The following SCN9A variants were observed in gnomAD, a reference collection of about 807,000 sequenced individuals.
SCN9A encodes the protein sodium voltage-gated channel alpha subunit 9.
Under a neutral mutation model 187.0 loss-of-function variants are expected in SCN9A, and 131 were observed. The observed-to-expected ratio is 0.70, with a 90% CI of 0.61 to 0.81. The LOEUF (loss-of-function observed/expected upper bound fraction) is 0.81. Ranked by LOEUF, SCN9A falls within the 30% of genes least tolerant of loss-of-function variation. SCN9A has a pLI of 0.00. For synonymous variants in SCN9A, 809 were observed against 808.6 expected (o/e 1.00, Z -0.01); for missense variants, 2,252 against 2,396.6 (o/e 0.94, Z 1.26).
At position 166,306,512 on chromosome 2, in the gene SCN9A, G is replaced by A. The variant is rs754275081; in HGVS notation, c.465C>T (p.Val155=). The change falls in exon 4 of 27, where the codon GTC becomes GTT. Residue 155 remains valine (V), a splice_region_variant and synonymous_variant. Coordinates refer to ENST00000642356, the MANE Select transcript of SCN9A (RefSeq NM_001365536.1). Reference sequence around the variant, plus strand: ...AAAATGTACTTATACCCACTTACTCGACATTTTTGGTCCAGTCCGGTGGGT... The same window carrying A: ...AAAATGTACTTATACCCACTTACTCAACATTTTTGGTCCAGTCCGGTGGGT... ...MNNPPDWTKN[V]EYTFTGIYTF... 3.9e-6 allele frequency: 6 copies of A among 1,522,730 alleles called. No homozygotes were observed. In the South Asian group the frequency reaches 4.7e-5, roughly 12 times the overall value. 94.3% of individuals were successfully genotyped at this position (1,522,730 alleles called of 1,614,324 possible).
intron 18 of SCN9A, among the ~76,000 whole-genome samples, chr2:166,243,035 T>C (rs1007672261): frequency 5.3e-5 from 8 of 152,124 alleles, no homozygotes; most frequent in Non-Finnish European, 1.2e-4. Flanking sequence ...TTCTAGTCTA[T>C]AATTTTAGAT....
Position 166,226,737 on chromosome 2 carries a change from A to G in SCN9A, c.4261-33T>C, listed in dbSNP as rs763882801. 10 of 1,481,694 alleles carry G rather than the reference A, an allele frequency of 6.7e-6. No homozygotes were observed. The Admixed American group carries it at 2.2e-4, about 32-fold the overall frequency. The allele number at this position is 1,481,694 out of a possible 1,614,324, so 91.8% of individuals were successfully genotyped here. ...ATTTACAAAAGTTAGCATTATATGG[A>G]CAGTAACATTCATTATTTTCTTTTT... On this transcript the variant is annotated intron_variant, in intron 23 of 26. Coordinates refer to ENST00000642356, the MANE Select transcript of SCN9A (RefSeq NM_001365536.1).
intron 24 of SCN9A, among the ~76,000 whole-genome samples, chr2:166,218,884 C>CCCCATTTG (rs1694456760): frequency 6.6e-6 from 1 of 151,722 alleles, no homozygotes; most frequent in Non-Finnish European, 1.5e-5. Context: ...AAATAAACAA[C>CCCCATTTG]CCCATTAAAA....
At chr2:166,211,150 A>T (rs1417720830) in intron 24 of SCN9A, among the ~76,000 whole-genome samples, 1 of 152,232 alleles carries the variant, frequency 6.6e-6, no homozygotes, top group Admixed American at 6.5e-5. Flanking sequence ...GCAAGAAAAA[A>T]ACTGAATTGT....
chr2:166,206,853 A>T (rs1693830868), intron 24 of SCN9A, among the ~76,000 whole-genome samples: 1 of 152,132 alleles, frequency 6.6e-6, no homozygotes, highest in South Asian at 2.1e-4. Flanking sequence ...CAACATAAAC[A>T]CTTTATTGGA....
At chr2:166,219,813 C>T (rs1239967227) in intron 24 of SCN9A, among the ~76,000 whole-genome samples, 2 of 152,014 alleles carry the variant, frequency 1.3e-5, no homozygotes, top group Admixed American at 6.6e-5. Flanking sequence ...TTTTAACTTT[C>T]TTACCACAAA....
At chr2:166,347,570 G>A (rs1296567423) in intron 1 of SCN9A, among the ~76,000 whole-genome samples, 1 of 152,208 alleles carries the variant, frequency 6.6e-6, no homozygotes, top group African/African-American at 2.4e-5. Flanking sequence ...AAAGCCTTGA[G>A]TTCTGTGCTA....
chr2:166,307,437 A>G (rs1024325057), intron 2 of SCN9A, among the ~76,000 whole-genome samples: 2 of 152,234 alleles, frequency 1.3e-5, no homozygotes, highest in Non-Finnish European at 2.9e-5. Flanking sequence ...TAAGAAAGCC[A>G]AATAGAAACT....
chr2:166,354,202 C>T (rs116435828), intron 1 of SCN9A, among the ~76,000 whole-genome samples: 2,299 of 152,106 alleles, frequency 0.015, 58 homozygotes, highest in African/African-American at 0.052. Context: ...AAAATTAAAA[C>T]ATTGAAAAAC....
intron 1 of SCN9A, among the ~76,000 whole-genome samples, chr2:166,314,495 C>G (rs544875089): frequency 3.9e-5 from 6 of 152,138 alleles, no homozygotes; most frequent in African/African-American, 1.4e-4. Context: ...TATGTCCACA[C>G]AAGAACGTTT....
intron 24 of SCN9A, among the ~76,000 whole-genome samples, chr2:166,223,377 CACACACACAA>C (rs1330384848): frequency 2.0e-5 from 3 of 152,206 alleles, no homozygotes; most frequent in Non-Finnish European, 4.4e-5. Flanking sequence ...CACGTACACA[CACACACACAA>C]ACACACACTA....
intron 24 of SCN9A, among the ~76,000 whole-genome samples, chr2:166,214,391 A>G (rs939197015): frequency 2.6e-5 from 4 of 152,090 alleles, no homozygotes; most frequent in African/African-American, 9.7e-5. Context: ...GTACTTGGAA[A>G]TCTACATAGC....
At chr2:166,327,534 T>C (rs1162377766) in intron 1 of SCN9A, among the ~76,000 whole-genome samples, 1 of 152,140 alleles carries the variant, frequency 6.6e-6, no homozygotes, top group Non-Finnish European at 1.5e-5. Context: ...GTAAAAACAA[T>C]GGTTGTAATT....
At chr2:166,224,438 A>G (rs1694759726) in intron 24 of SCN9A, among the ~76,000 whole-genome samples, 1 of 152,180 alleles carries the variant, frequency 6.6e-6, no homozygotes, top group Non-Finnish European at 1.5e-5. Context: ...GTACATGTAC[A>G]TCTGTCTTCT....
Position 166,306,571 on chromosome 2 carries a change from T to G in SCN9A, c.406A>C (p.Ile136Leu). 1 of 1,582,592 alleles carries G rather than the reference T, an allele frequency of 6.3e-7. No homozygotes were observed. Among genetic ancestry groups the G allele is most frequent in the Non-Finnish European group, 8.6e-7 (1 of 1,161,846 alleles). ...SLFSMLIMCT[I>L]LTNCIFMTMN... ...GTCATAAATATGCAGTTTGTCAGAA[T>G]AGTGCACATGATGAGCATGCTGAAT... Residue 136 changes from isoleucine (I) to leucine (L), a missense_variant, in exon 4 of 27, where the codon ATT becomes CTT. Physicochemically the swap from Ile to Leu is conservative, Grantham distance 5. Coordinates refer to ENST00000642356, the MANE Select transcript of SCN9A (RefSeq NM_001365536.1).
chr2:166,225,690 A>G (rs1285195662), intron 24 of SCN9A, among the ~76,000 whole-genome samples: 2 of 152,174 alleles, frequency 1.3e-5, no homozygotes, highest in Admixed American at 1.3e-4. Context: ...TTGCAGATGT[A>G]ATTAAGATGA....
chr2:166,230,180 A>C (rs1695021973), intron 21 of SCN9A, among the ~76,000 whole-genome samples: 1 of 152,158 alleles, frequency 6.6e-6, no homozygotes, highest in South Asian at 2.1e-4. Context: ...CTGTGTTCCA[A>C]GAACATTTTT....
At chr2:166,236,423 T>C (rs924787734) in intron 20 of SCN9A, among the ~76,000 whole-genome samples, 1 of 150,424 alleles carries the variant, frequency 6.6e-6, no homozygotes, top group East Asian at 1.9e-4. Context: ...AAACGAAAAT[T>C]ATTATTATTT....
At chr2:166,327,483 C>T (rs1699393261) in intron 1 of SCN9A, among the ~76,000 whole-genome samples, 2 of 152,106 alleles carry the variant, frequency 1.3e-5, no homozygotes, top group African/African-American at 4.8e-5. Context: ...CAACATTCTA[C>T]TTATCTTGTT....
Sources: allele counts gnomAD v4.1 joint callset (sites outside exome capture counted in the v4.1 genomes callset), GRCh38; gene constraint gnomAD v4.1.1; transcripts MANE v1.5; gene names NCBI Gene and HGNC (gene_info 2026-07-23, HGNC 2026-07-21).